TXLNB: variants seen among roughly 807,000 people sequenced by gnomAD.
TXLNB encodes the protein taxilin beta, also known as beta-taxilin.
A neutral mutation model predicts 57.4 loss-of-function variants in TXLNB; 37 were observed. The observed-to-expected ratio is 0.64, with a 90% confidence interval of 0.50 to 0.85. The LOEUF (loss-of-function observed/expected upper bound fraction) is 0.85, where lower values mean the gene tolerates loss of function less well. TXLNB is among the 40% of genes least tolerant of loss of function. The pLI, the probability that TXLNB is intolerant of heterozygous loss-of-function variation, is 0.00. For missense variants in TXLNB, 848 were observed against 825.6 expected (o/e 1.03, Z -0.33); for synonymous variants, 302 against 309.6 (o/e 0.98, Z 0.26).
At chr6:139,301,086 A>G in the TXLNB span, among the ~76,000 whole-genome samples, 1 of 152,294 alleles carries the variant, frequency 6.6e-6, no homozygotes, top group Admixed American at 6.5e-5. Context: ...ACCTAACTCC[A>G]GGGGTCACTG....
At chr6:139,166,352 C>T in the TXLNB span, 2 of 1,614,062 alleles carry the variant, frequency 1.2e-6, no homozygotes, top group Non-Finnish European at 1.7e-6. Flanking sequence ...GGACGACTAC[C>T]AGAAGGTGGT....
the TXLNB span, among the ~76,000 whole-genome samples, chr6:139,303,801 G>T: frequency 1.3e-5 from 2 of 148,926 alleles, no homozygotes; most frequent in African/African-American, 4.9e-5. Flanking sequence ...TTTTGACACA[G>T]AAATAATCTA....
the TXLNB span, among the ~76,000 whole-genome samples, chr6:139,209,595 T>C: frequency 2.6e-5 from 4 of 152,092 alleles, no homozygotes; most frequent in Admixed American, 2.0e-4. Flanking sequence ...TTGACAAAGC[T>C]TACAAAAAGA....
the TXLNB span, among the ~76,000 whole-genome samples, chr6:139,197,235 T>C: frequency 6.6e-6 from 1 of 152,190 alleles, no homozygotes; most frequent in South Asian, 2.1e-4. Flanking sequence ...CTGCCTAACC[T>C]CCTATTTCCC....
chr6:139,276,496 G>T (rs949063420), intron 3 of TXLNB, among the ~76,000 whole-genome samples: 1 of 152,176 alleles, frequency 6.6e-6, no homozygotes, highest in Non-Finnish European at 1.5e-5. Context: ...ATGCATTTCA[G>T]GTAGAGGTAC....
chr6:139,161,351 C>CT, the TXLNB span, among the ~76,000 whole-genome samples: 4 of 152,082 alleles, frequency 2.6e-5, no homozygotes, highest in African/African-American at 9.7e-5. Flanking sequence ...AAGTGGCTGA[C>CT]TATAAACAAG....
At chr6:139,177,130 T>A in the TXLNB span, 1 of 820,036 alleles carries the variant, frequency 1.2e-6, no homozygotes, top group Non-Finnish European at 2.1e-6. The surrounding 1 kb of genome is among the most constrained non-coding windows in gnomAD (Gnocchi z 4.9). Flanking sequence ...TAGTAATAGC[T>A]ATTTTATTGA....
the TXLNB span, among the ~76,000 whole-genome samples, chr6:139,223,130 T>C: frequency 6.6e-6 from 1 of 152,222 alleles, no homozygotes; most frequent in Non-Finnish European, 1.5e-5. Context: ...AGTCCATGAC[T>C]GTAACACAAT....
At position 139,283,236 on chromosome 6, in the gene TXLNB, T is replaced by C. The variant is rs1437987497; in HGVS notation, c.424+5240A>G. 4 of 139,308 alleles carry C rather than the reference T, an allele frequency of 2.9e-5. No individual in the cohort carries two copies. In the East Asian group the frequency reaches 8.1e-4, roughly 28 times the overall value. 8.6% of individuals were successfully genotyped at this position (139,308 alleles called of 1,614,324 possible). A position where few individuals can be genotyped will look rare whatever the true frequency, so the allele number is the denominator to read the frequency against. ...AAAAAGAAGTCCTGGGAGCTTAGGT[T>C]GTAGAGACATTTCCCAAATATTCAA... On this transcript the variant is annotated intron_variant, in intron 2 of 9. Coordinates refer to ENST00000358430, the MANE Select transcript of TXLNB (RefSeq NM_153235.4).
chr6:139,264,603 A>G (rs1285794213), intron 4 of TXLNB, among the ~76,000 whole-genome samples: 1 of 152,170 alleles, frequency 6.6e-6, no homozygotes, highest in African/African-American at 2.4e-5. Flanking sequence ...TCTGTCGCCC[A>G]GGCTGGAGTG....
At chr6:139,216,445 A>G in the TXLNB span, among the ~76,000 whole-genome samples, 3 of 129,770 alleles carry the variant, frequency 2.3e-5, no homozygotes, top group Admixed American at 9.0e-5. Context: ...TGGACACAGG[A>G]AGGGGAACAT....
upstream of TXLNB, among the ~76,000 whole-genome samples, chr6:139,296,723 C>A (rs771327091): frequency 1.8e-4 from 28 of 152,102 alleles, no homozygotes; most frequent in Non-Finnish European, 3.8e-4. Context: ...GCATTTAGGA[C>A]CCTTTGTTCT....
the TXLNB span, among the ~76,000 whole-genome samples, chr6:139,298,669 C>T: frequency 1.3e-5 from 2 of 152,132 alleles, no homozygotes. Context: ...CTGTTGCAAC[C>T]CCTGCATGCC....
the TXLNB span, among the ~76,000 whole-genome samples, chr6:139,160,960 A>G: frequency 2.6e-5 from 4 of 152,100 alleles, no homozygotes; most frequent in African/African-American, 7.2e-5. Flanking sequence ...ATGTCAAACA[A>G]CTAATCAGGA....
chr6:139,216,202 T>G, the TXLNB span, among the ~76,000 whole-genome samples: 1 of 151,662 alleles, frequency 6.6e-6, no homozygotes. Flanking sequence ...GTATTCACAA[T>G]AGCAAAGACT....
the TXLNB span, among the ~76,000 whole-genome samples, chr6:139,170,891 G>C: frequency 6.6e-6 from 1 of 152,028 alleles, no homozygotes; most frequent in Non-Finnish European, 1.5e-5. Flanking sequence ...GGAGATAAAA[G>C]GTGTGGACAG....
intron 1 of TXLNB, 116 bp from the exon 2 acceptor site, chr6:139,289,029 G>C: frequency 5.4e-6 from 4 of 740,272 alleles, no homozygotes; most frequent in Admixed American, 3.0e-5. Flanking sequence ...AGTCTCTAAC[G>C]TAGAGAAAGG....
chr6:139,291,633 T>C (rs1777302289), intron 1 of TXLNB, among the ~76,000 whole-genome samples: 1 of 152,214 alleles, frequency 6.6e-6, no homozygotes, highest in Non-Finnish European at 1.5e-5. Flanking sequence ...TACTTTTCAA[T>C]CATCCATTTT....
chr6:139,278,181 G>C (rs1330264812), intron 2 of TXLNB, among the ~76,000 whole-genome samples: 1 of 152,168 alleles, frequency 6.6e-6, no homozygotes, highest in Non-Finnish European at 1.5e-5. Context: ...GCCCAGAAAA[G>C]TCCAAAGTTA....
Sources: allele counts gnomAD v4.1 joint callset (sites outside exome capture counted in the v4.1 genomes callset), GRCh38; gene constraint gnomAD v4.1.1; non-coding constraint Gnocchi (gnomAD v3.1); transcripts MANE v1.5; gene names NCBI Gene and HGNC (gene_info 2026-07-23, HGNC 2026-07-21).